Variants in TPM3 observed in about 807,000 individuals in gnomAD.
TPM3 encodes the protein tropomyosin 3.
Under a neutral mutation model 43.1 loss-of-function variants are expected in TPM3, and 16 were observed. The observed-to-expected ratio is 0.37, with a 90% CI of 0.25 to 0.56. The LOEUF is 0.56. Ranked by LOEUF, TPM3 falls within the 20% of genes least tolerant of loss-of-function variation. TPM3 has a pLI of 0.77. For missense variants in TPM3, 176 were observed against 337.2 expected, an observed-to-expected ratio of 0.52 and a Z score of 3.74; for synonymous variants, 101 against 116.9, an observed-to-expected ratio of 0.86 and a Z score of 0.88.
chr1:154,172,303 G>A, intron 5 of TPM3: 1 of 721,426 alleles, frequency 1.4e-6, no homozygotes, highest in Admixed American at 2.0e-5. Flanking sequence ...TATGCATTCA[G>A]CACTGACTTT....
intron 6 of TPM3, 68 bp downstream of exon 6, chr1:154,171,345 A>T: frequency 1.3e-6 from 2 of 1,537,518 alleles, no homozygotes; most frequent in Non-Finnish European, 1.8e-6. Flanking sequence ...GCGTGTCTCC[A>T]GTCTTTCATC....
Position 154,167,680 on chromosome 1 carries a change from C to G in TPM3, c.*257G>C. 2.2e-6 allele frequency: 3 copies of G among 1,357,944 alleles called. No homozygotes were observed. The highest frequency in any genetic ancestry group is 2.9e-6 in the Non-Finnish European group (3 of 1,047,794). 84.1% of individuals were successfully genotyped at this position (1,357,944 alleles called of 1,614,324 possible). ...TACAATAGCTCTTCCCCACATCACA[C>G]CCCCAAGGCTCCTTCTTAGGGACAG... On this transcript the variant is annotated 3_prime_UTR_variant, in exon 10 of 10. Coordinates refer to ENST00000651641, the MANE Select transcript of TPM3 (RefSeq NM_152263.4).
At chr1:154,190,863 T>C (rs1421805354) in intron 2 of TPM3, among the ~76,000 whole-genome samples, 1 of 152,178 alleles carries the variant, frequency 6.6e-6, no homozygotes, top group Admixed American at 6.5e-5. Flanking sequence ...GGAGGTAGGA[T>C]AAGTGACAGC....
chr1:154,172,200 A>G (rs891496577), intron 5 of TPM3: 1 of 1,288,622 alleles, frequency 7.8e-7, no homozygotes, highest in African/African-American at 1.5e-5. Context: ...GCAAAACGAA[A>G]AAAAAAAATT....
At chr1:154,187,207 G>T in intron 2 of TPM3, 1 of 681,572 alleles carries the variant, frequency 1.5e-6, no homozygotes, top group Non-Finnish European at 1.8e-6. Context: ...GGGTCTTGTG[G>T]CCAGAGAGAT....
intron 5 of TPM3, chr1:154,171,988 C>T (rs1384714725): frequency 6.2e-7 from 1 of 1,608,522 alleles, no homozygotes; most frequent in Non-Finnish European, 8.5e-7. Context: ...AACAAAACCA[C>T]ACCACATATA....
chr1:154,158,446 A>C (rs1351587385), downstream of TPM3, among the ~76,000 whole-genome samples: 1 of 152,224 alleles, frequency 6.6e-6, no homozygotes, highest in African/African-American at 2.4e-5. Context: ...AACCACTCTG[A>C]CTGCTCTAAA....
At chr1:154,184,928 AGAC>A (rs1663336571) in intron 2 of TPM3, among the ~76,000 whole-genome samples, 1 of 151,914 alleles carries the variant, frequency 6.6e-6, no homozygotes. Context: ...AATAAAAAAC[AGAC>A]GACTGTTACT....
chr1:154,176,112 C>T lies in TPM3; in HGVS notation c.377+3G>A. ...CCACACTCCATCAGGCTTCCCTACACACCTCTCACTCTCATCAGCAGCTTT... is the reference window on the plus strand; with the variant it reads ...CCACACTCCATCAGGCTTCCCTACATACCTCTCACTCTCATCAGCAGCTTT... On this transcript the variant is annotated splice_donor_region_variant and intron_variant, in intron 3 of 9. Transcript: ENST00000651641. 1 of 1,613,534 alleles carries T rather than the reference C, an allele frequency of 6.2e-7. No individual in the cohort carries two copies. Among genetic ancestry groups the T allele is most frequent in the Non-Finnish European group, 8.5e-7 (1 of 1,180,036 alleles).
intron 9 of TPM3, among the ~76,000 whole-genome samples, chr1:154,168,283 G>A (rs1661201129): frequency 6.6e-6 from 1 of 152,098 alleles, no homozygotes; most frequent in Admixed American, 6.5e-5. Flanking sequence ...TAATATCAGG[G>A]AACCAATTAA....
chr1:154,191,560 A>G, intron 1 of TPM3: 1 of 1,338,392 alleles, frequency 7.5e-7, no homozygotes, highest in Non-Finnish European at 9.9e-7. Context: ...GATGATAAAT[A>G]TCTAAAGTGT....
At chr1:154,188,909 T>A (rs1305812903) in intron 2 of TPM3, among the ~76,000 whole-genome samples, 3 of 151,146 alleles carry the variant, frequency 2.0e-5, no homozygotes, top group Non-Finnish European at 2.9e-5. Flanking sequence ...GGTGGGTGGA[T>A]CACTTGAGGT....
Position 154,167,431 on chromosome 1 carries a change from A to T in TPM3, c.*506T>A. The T allele has an allele frequency of 4.7e-6, 5 of 1,069,712 alleles. No individual in the cohort carries two copies. The highest frequency in any genetic ancestry group is 5.7e-6 in the Non-Finnish European group (5 of 881,094). The allele number at this position is 1,069,712 out of a possible 1,614,324, so 66.3% of individuals were successfully genotyped here. On this transcript the variant is annotated 3_prime_UTR_variant, in exon 10 of 10. Coordinates refer to ENST00000651641, the MANE Select transcript of TPM3 (RefSeq NM_152263.4). ...AATGACACCACACCAAAGGAGGAAT[A>T]CCTGAAGAGAGAATGGAAACACTGC...
In TPM3 at chr1:154,174,387, T is replaced by TAC. The variant is rs1299522448; in HGVS notation, c.378-1187_378-1186insGT. Among the ~76,000 whole-genome samples the TAC allele has an allele frequency of 2.9e-4, 28 of 98,182 alleles. 1 individual carries two copies. In the East Asian group the frequency reaches 9.0e-3, roughly 32 times the overall value. The allele number at this position is 98,182 out of a possible 152,430, so 64.4% of individuals were successfully genotyped here. A position where few individuals can be genotyped will look rare whatever the true frequency, so the allele number is the denominator to read the frequency against. Reference sequence around the variant, plus strand: ...ATATGTGTATATATATATATATATATATATATATATATATATATATACACA... The same window carrying TAC: ...ATATGTGTATATATATATATATATATACATATATATATATATATATATACACA... On this transcript the variant is annotated intron_variant, in intron 3 of 9. Transcript: ENST00000651641.
downstream of TPM3, chr1:154,159,038 G>A (rs368337831): frequency 3.8e-6 from 3 of 780,570 alleles, no homozygotes; most frequent in Admixed American, 3.4e-5. Context: ...CAAGTTGGCT[G>A]TAGAGACGCT....
chr1:154,172,184 C>T lies in TPM3; in HGVS notation c.567-696G>A, dbSNP rs570542170. On this transcript the variant is annotated intron_variant, in intron 5 of 9. Transcript: ENST00000651641. ...GTCAAAAAGGAACACAGCAAGAAAACAAGCAGCAAAACGAAAAAAAAAAAT... is the reference window on the plus strand; with the variant it reads ...GTCAAAAAGGAACACAGCAAGAAAATAAGCAGCAAAACGAAAAAAAAAAAT... 3.2e-4 allele frequency: 465 copies of T among 1,437,704 alleles called. No individual in the cohort carries two copies. The highest frequency in any genetic ancestry group is 4.1e-4 in the Non-Finnish European group (413 of 1,019,726). 89.1% of individuals were successfully genotyped at this position (1,437,704 alleles called of 1,614,324 possible).
At chr1:154,173,518 G>A (rs1172239983) in intron 3 of TPM3, among the ~76,000 whole-genome samples, 1 of 152,146 alleles carries the variant, frequency 6.6e-6, no homozygotes, top group Non-Finnish European at 1.5e-5. Flanking sequence ...TACAAAATTA[G>A]CTGGGCGTAG....
chr1:154,183,987 G>A lies in TPM3; in HGVS notation c.243+7199C>T, dbSNP rs1384174850. 2.0e-5 allele frequency among the ~76,000 whole-genome samples: 3 copies of A among 151,028 alleles called. No homozygotes were observed. In the East Asian group the frequency reaches 5.9e-4, roughly 30 times the overall value. ...CGAGCCTCCTACCTCAGCCTCCGGT[G>A]TAGCTGGGACTACAGGTGCACGCCA... On this transcript the variant is annotated intron_variant, in intron 2 of 9. Transcript: ENST00000651641.
downstream of TPM3, among the ~76,000 whole-genome samples, chr1:154,161,280 C>T (rs1014522841): frequency 6.6e-6 from 1 of 151,740 alleles, no homozygotes; most frequent in Non-Finnish European, 1.5e-5. Context: ...GCGTCCTTGT[C>T]AAAATAACAG....
Sources: allele counts gnomAD v4.1 joint callset (sites outside exome capture counted in the v4.1 genomes callset), GRCh38; gene constraint gnomAD v4.1.1; transcripts MANE v1.5; gene names NCBI Gene and HGNC (gene_info 2026-07-23, HGNC 2026-07-21).